Variants in OPCML observed in about 807,000 individuals in gnomAD.
The protein encoded by OPCML is opioid-binding protein/cell adhesion molecule.
A neutral mutation model predicts 37.8 loss-of-function variants in OPCML; 13 were observed. The ratio of observed to expected loss-of-function variants is 0.34; its 90% CI spans 0.22 to 0.55. The LOEUF is 0.55. OPCML is among the 20% of genes least tolerant of loss of function. The pLI, the probability that OPCML is intolerant of heterozygous loss-of-function variation, is 0.91. For missense variants in OPCML, 341 were observed against 435.6 expected, an observed-to-expected ratio of 0.78 and a Z score of 1.93; for synonymous variants, 176 against 168.8, an observed-to-expected ratio of 1.04 and a Z score of -0.33.
chr11:132,953,384 GA>G (rs1422026420), intron 1 of OPCML, among the ~76,000 whole-genome samples: 2 of 152,014 alleles, frequency 1.3e-5, no homozygotes, highest in African/African-American at 4.8e-5. Flanking sequence ...TCCCTCCCTG[GA>G]CCCCAAAGCC....
At chr11:133,472,498 T>C (rs1041569354) in intron 1 of OPCML, among the ~76,000 whole-genome samples, 2 of 151,826 alleles carry the variant, frequency 1.3e-5, no homozygotes, top group African/African-American at 4.8e-5. Flanking sequence ...TCCATAATGA[T>C]GTGATGCAGA....
At chr11:133,095,042 G>A (rs1948977197) in intron 1 of OPCML, among the ~76,000 whole-genome samples, 1 of 151,904 alleles carries the variant, frequency 6.6e-6, no homozygotes, top group South Asian at 2.1e-4. Flanking sequence ...TTCCCAAGGG[G>A]AAATCAAGAG....
intron 2 of OPCML, among the ~76,000 whole-genome samples, chr11:132,896,707 C>A (rs937738334): frequency 2.0e-5 from 3 of 152,170 alleles, no homozygotes; most frequent in Non-Finnish European, 2.9e-5. Context: ...TCATACTGTT[C>A]TATTGATAAC....
chr11:132,448,464 C>T (rs144034168), intron 4 of OPCML, among the ~76,000 whole-genome samples: 11 of 152,318 alleles, frequency 7.2e-5, no homozygotes, highest in African/African-American at 2.4e-4. Flanking sequence ...GATAGCATTG[C>T]TCATGCACTG....
intron 1 of OPCML, among the ~76,000 whole-genome samples, chr11:133,376,285 A>C (rs769880095): frequency 6.6e-6 from 1 of 152,238 alleles, no homozygotes; most frequent in Non-Finnish European, 1.5e-5. Flanking sequence ...AGGCAGTAAA[A>C]AAGTTATTCT....
At chr11:133,052,525 T>C (rs1429726343) in intron 1 of OPCML, among the ~76,000 whole-genome samples, 1 of 152,214 alleles carries the variant, frequency 6.6e-6, no homozygotes, top group African/African-American at 2.4e-5. Flanking sequence ...TTAGGGGACA[T>C]CTGCCCTTCA....
At chr11:133,341,353 C>T (rs1020334387) in intron 1 of OPCML, among the ~76,000 whole-genome samples, 1 of 152,168 alleles carries the variant, frequency 6.6e-6, no homozygotes, top group Non-Finnish European at 1.5e-5. Flanking sequence ...TGAGGTGCCT[C>T]GACCAGATAG....
intron 1 of OPCML, among the ~76,000 whole-genome samples, chr11:133,076,662 C>T (rs977134794): frequency 2.0e-5 from 3 of 152,128 alleles, no homozygotes; most frequent in African/African-American, 2.4e-5. Context: ...CCCCACCCCC[C>T]GCATAGAATC....
chr11:132,723,830 C>T (rs1285770898), intron 2 of OPCML, among the ~76,000 whole-genome samples: 1 of 152,166 alleles, frequency 6.6e-6, no homozygotes, highest in Non-Finnish European at 1.5e-5. Context: ...TAGGATGGTC[C>T]TCTAGCCCTT....
At chr11:133,026,270 G>C (rs1947552962) in intron 1 of OPCML, among the ~76,000 whole-genome samples, 2 of 152,174 alleles carry the variant, frequency 1.3e-5, no homozygotes, top group South Asian at 4.1e-4. Context: ...ATGCATACAT[G>C]TAAAAAATGG....
chr11:132,875,985 A>G (rs1310234967), intron 2 of OPCML, among the ~76,000 whole-genome samples: 1 of 152,236 alleles, frequency 6.6e-6, no homozygotes, highest in Non-Finnish European at 1.5e-5. Flanking sequence ...GATGGGATCT[A>G]TTTTAACAAA....
chr11:133,268,441 C>T (rs1234882980), intron 1 of OPCML, among the ~76,000 whole-genome samples: 2 of 152,132 alleles, frequency 1.3e-5, no homozygotes, highest in Non-Finnish European at 2.9e-5. Flanking sequence ...AACTGATTTT[C>T]TTTTTAGATA....
At chr11:133,453,273 G>T (rs984079628) in intron 1 of OPCML, among the ~76,000 whole-genome samples, 3 of 152,126 alleles carry the variant, frequency 2.0e-5, no homozygotes, top group Non-Finnish European at 2.9e-5. Flanking sequence ...AACTTAATCA[G>T]AATGAGGTTC....
Position 132,441,354 on chromosome 11 carries a change from G to C in OPCML, c.506-3995C>G, listed in dbSNP as rs1384668546. On this transcript the variant is annotated intron_variant, in intron 4 of 7. Coordinates refer to ENST00000524381, the MANE Select transcript of OPCML (RefSeq NM_001012393.5). Reference sequence around the variant, plus strand: ...GGCTAATTTTTTTGTATTTTTAGTAGAGACGGGGTTTCACCGTTTTAGCCG... The same window carrying C: ...GGCTAATTTTTTTGTATTTTTAGTACAGACGGGGTTTCACCGTTTTAGCCG... 7.3e-5 allele frequency among the ~76,000 whole-genome samples: 11 copies of C among 151,002 alleles called. No individual in the cohort carries two copies. In the South Asian group the frequency reaches 1.1e-3, roughly 14 times the overall value.
chr11:133,063,890 A>C (rs1416994784), intron 1 of OPCML, among the ~76,000 whole-genome samples: 2 of 152,262 alleles, frequency 1.3e-5, no homozygotes, highest in East Asian at 3.9e-4. Flanking sequence ...TACCAGCTAG[A>C]TCTTCAAAGC....
intron 1 of OPCML, among the ~76,000 whole-genome samples, chr11:133,496,709 G>C (rs577120764): frequency 1.3e-5 from 2 of 152,308 alleles, no homozygotes; most frequent in South Asian, 2.1e-4. Context: ...CTTGGTCACT[G>C]TTGGTATATA....
intron 1 of OPCML, among the ~76,000 whole-genome samples, chr11:133,414,717 C>G (rs1007290600): frequency 6.6e-6 from 1 of 152,098 alleles, no homozygotes; most frequent in Non-Finnish European, 1.5e-5. Flanking sequence ...CACAAATCCC[C>G]CGTTCCCAGC....
chr11:133,459,366 G>A (rs1451065332), intron 1 of OPCML, among the ~76,000 whole-genome samples: 2 of 151,964 alleles, frequency 1.3e-5, no homozygotes, highest in East Asian at 1.9e-4. Flanking sequence ...ATGTCAAAAA[G>A]TGTCCTTATT....
intron 1 of OPCML, among the ~76,000 whole-genome samples, chr11:133,153,328 G>C (rs1020547018): frequency 1.3e-5 from 2 of 152,194 alleles, no homozygotes. Flanking sequence ...GAGTCACAGA[G>C]AGGCTGCTCC....
Sources: allele counts gnomAD v4.1 joint callset (sites outside exome capture counted in the v4.1 genomes callset), GRCh38; gene constraint gnomAD v4.1.1; transcripts MANE v1.5; gene names NCBI Gene and HGNC (gene_info 2026-07-23, HGNC 2026-07-21).